ADAM12: variants seen among roughly 807,000 people sequenced by gnomAD.
The protein encoded by ADAM12 is disintegrin and metalloproteinase domain-containing protein 12.
In ADAM12, 70 loss-of-function variants were observed where a neutral mutation model predicts 106.4. The ratio of observed to expected loss-of-function variants is 0.66; its 90% CI spans 0.54 to 0.80. The LOEUF (loss-of-function observed/expected upper bound fraction) is 0.80. Ranked by LOEUF, ADAM12 falls within the 30% of genes least tolerant of loss-of-function variation. ADAM12 has a pLI of 0.00. For missense variants in ADAM12, 1,010 were observed against 1,171.9 expected (o/e 0.86, Z 2.02); for synonymous variants, 420 against 433.5 (o/e 0.97, Z 0.39).
At chr10:126,249,594 C>T (rs1403679673) in intron 3 of ADAM12, among the ~76,000 whole-genome samples, 1 of 152,166 alleles carries the variant, frequency 6.6e-6, no homozygotes, top group African/African-American at 2.4e-5. Flanking sequence ...GTCTCAGCTA[C>T]TTGGGAGGCT....
intron 21 of ADAM12, among the ~76,000 whole-genome samples, chr10:126,032,190 G>T (rs900592140): frequency 1.3e-5 from 2 of 152,194 alleles, no homozygotes; most frequent in Admixed American, 6.5e-5. Flanking sequence ...AATGAAGCAG[G>T]ATTAGCTGTG....
At chr10:126,061,697 G>A (rs905849999) in intron 14 of ADAM12, among the ~76,000 whole-genome samples, 7 of 152,138 alleles carry the variant, frequency 4.6e-5, no homozygotes, top group African/African-American at 1.4e-4. Flanking sequence ...TGTTGGCCTC[G>A]AAGATGGAGG....
intron 3 of ADAM12, among the ~76,000 whole-genome samples, chr10:126,257,560 G>T (rs141218082): frequency 3.3e-5 from 5 of 152,112 alleles, no homozygotes; most frequent in Non-Finnish European, 7.4e-5. Flanking sequence ...ACATTTTATT[G>T]ACTCTTTAAA....
At chr10:126,208,275 CAG>C (rs113945955) in intron 3 of ADAM12, among the ~76,000 whole-genome samples, 2 of 152,204 alleles carry the variant, frequency 1.3e-5, no homozygotes, top group African/African-American at 4.8e-5. Context: ...TTGTCACAAT[CAG>C]GGGAGCAGAC....
rs1334972737 is a variant in ADAM12, at chr10:126,049,913, G to A, written c.1610-244C>T. 6.6e-6 allele frequency among the ~76,000 whole-genome samples: 1 copy of A among 150,934 alleles called. No individual in the cohort carries two copies. The highest frequency in any genetic ancestry group is 1.5e-5 in the Non-Finnish European group (1 of 67,766). ...TACTCTTCCTTAGGTCTGCTCTCTGGGCTTGTGGCATGTGTGGCCTCTCAG... is the reference window on the plus strand; with the variant it reads ...TACTCTTCCTTAGGTCTGCTCTCTGAGCTTGTGGCATGTGTGGCCTCTCAG... On this transcript the variant is annotated intron_variant, in intron 14 of 22. Transcript: ENST00000448723. The surrounding 1 kb of genome is among the most constrained non-coding windows in gnomAD (Gnocchi z 4.4).
chr10:126,288,461 G>GGCAGCAGCAAGAGCAGCA (rs1959983891), intron 2 of ADAM12, among the ~76,000 whole-genome samples: 1 of 152,132 alleles, frequency 6.6e-6, no homozygotes, highest in South Asian at 2.1e-4. Context: ...AGGGTGAGGC[G>GGCAGCAGCAAGAGCAGCA]GCAGCAGCAA....
chr10:126,175,420 C>A (rs1388872688), intron 3 of ADAM12, among the ~76,000 whole-genome samples: 1 of 152,110 alleles, frequency 6.6e-6, no homozygotes, highest in African/African-American at 2.4e-5. Context: ...ACAGGCAAAA[C>A]CATTGGAACA....
intron 9 of ADAM12, among the ~76,000 whole-genome samples, chr10:126,099,985 T>A (rs1246667588): frequency 7.0e-6 from 1 of 141,992 alleles, no homozygotes; most frequent in East Asian, 2.2e-4. Flanking sequence ...TTCCTTTTTT[T>A]TTTAAGTATA....
chr10:126,151,959 GA>G, intron 4 of ADAM12, among the ~76,000 whole-genome samples: 1 of 147,402 alleles, frequency 6.8e-6, no homozygotes, highest in Non-Finnish European at 1.5e-5. Flanking sequence ...TCCATTTTAT[GA>G]ATATTTTCAA....
chr10:126,060,900 C>T (rs1484830024), intron 14 of ADAM12, among the ~76,000 whole-genome samples: 1 of 152,200 alleles, frequency 6.6e-6, no homozygotes, highest in Non-Finnish European at 1.5e-5. Flanking sequence ...AAATACTTGA[C>T]AAATGAGAGA....
chr10:126,131,341 C>A (rs114868563), intron 5 of ADAM12, among the ~76,000 whole-genome samples: 2,479 of 152,130 alleles, frequency 0.016, 43 homozygotes, highest in African/African-American at 0.056. Context: ...GTTTAGATGA[C>A]CTCCACTGAG....
At chr10:126,324,910 C>T (rs1466381430) in intron 2 of ADAM12, among the ~76,000 whole-genome samples, 3 of 151,666 alleles carry the variant, frequency 2.0e-5, no homozygotes, top group Admixed American at 6.6e-5. Flanking sequence ...AGTTATTGTT[C>T]GTAACACCTG....
At chr10:126,299,489 C>T (rs570949747) in intron 2 of ADAM12, among the ~76,000 whole-genome samples, 14 of 152,278 alleles carry the variant, frequency 9.2e-5, no homozygotes, top group Admixed American at 2.6e-4. Flanking sequence ...GGTTACCTGG[C>T]TCCTACATGG....
chr10:126,075,397 G>A (rs1377283913), intron 11 of ADAM12, among the ~76,000 whole-genome samples: 1 of 152,106 alleles, frequency 6.6e-6, no homozygotes, highest in Non-Finnish European at 1.5e-5. Context: ...ATTCAACACC[G>A]ACTAGGTGCC....
rs1345876562 is a variant in ADAM12, at chr10:126,042,314, A to T, written c.2104+726T>A. 1.9e-6 allele frequency: 3 copies of T among 1,556,718 alleles called. No individual in the cohort carries two copies. In the Admixed American group the frequency reaches 5.5e-5, roughly 29 times the overall value. On this transcript the variant is annotated intron_variant, in intron 18 of 22. Coordinates refer to ENST00000448723, the MANE Select transcript of ADAM12 (RefSeq NM_001288973.2). ...AACTCAGAGAAAACAGCACCGCACC[A>T]GTAAACCATTTCTAAAGGTCATCCG...
intron 3 of ADAM12, among the ~76,000 whole-genome samples, chr10:126,162,430 G>C (rs1956952935): frequency 6.6e-6 from 1 of 152,180 alleles, no homozygotes; most frequent in Non-Finnish European, 1.5e-5. Flanking sequence ...AGGTGGTCAG[G>C]GCGCAGGGCC....
Position 126,388,116 on chromosome 10 carries a change from G to C in ADAM12, c.30C>G (p.Pro10=). 1.6e-6 allele frequency: 2 copies of C among 1,224,186 alleles called. No homozygotes were observed. Among genetic ancestry groups the C allele is most frequent in the Non-Finnish European group, 1.0e-6 (1 of 982,586 alleles). 75.8% of individuals were successfully genotyped at this position (1,224,186 alleles called of 1,614,324 possible). A position where few individuals can be genotyped will look rare whatever the true frequency, so the allele number is the denominator to read the frequency against. The change falls in exon 1 of 23, where the codon CCC becomes CCG. Residue 10 remains proline, a synonymous_variant. Coordinates refer to ENST00000448723, the MANE Select transcript of ADAM12 (RefSeq NM_001288973.2). This position sits in a 1 kb window ranked among gnomAD's most constrained non-coding sequence, Gnocchi z 4.4. MAARPLPVS[P]ARALLLALAG... ...CCAGGGCGAGCAGGAGGGCGCGGGCGGGGGACACGGGCAGCGGGCGCGCTG... is the reference window on the plus strand; with the variant it reads ...CCAGGGCGAGCAGGAGGGCGCGGGCCGGGGACACGGGCAGCGGGCGCGCTG...
At chr10:126,342,618 C>T (rs1229071412) in intron 1 of ADAM12, among the ~76,000 whole-genome samples, 1 of 152,154 alleles carries the variant, frequency 6.6e-6, no homozygotes, top group African/African-American at 2.4e-5. Flanking sequence ...ATAATTTCCT[C>T]TCAACAATAC....
At chr10:126,334,947 C>G (rs1041129777) in intron 1 of ADAM12, among the ~76,000 whole-genome samples, 4 of 152,220 alleles carry the variant, frequency 2.6e-5, no homozygotes, top group Admixed American at 2.6e-4. Flanking sequence ...ACATCTGAGG[C>G]TCTACCGTCT....
Sources: allele counts gnomAD v4.1 joint callset (sites outside exome capture counted in the v4.1 genomes callset), GRCh38; gene constraint gnomAD v4.1.1; non-coding constraint Gnocchi (gnomAD v3.1); transcripts MANE v1.5; gene names NCBI Gene and HGNC (gene_info 2026-07-23, HGNC 2026-07-21).